MRTFA: variants seen among roughly 807,000 people sequenced by gnomAD.
MRTFA encodes myocardin related transcription factor A, also known as myocardin-related transcription factor A.
MRTFA carries 20 observed loss-of-function variants against 83.5 expected under a neutral mutation model. The observed-to-expected ratio is 0.24, with a 90% CI of 0.17 to 0.35. The LOEUF (loss-of-function observed/expected upper bound fraction) is 0.35. Ranked by LOEUF, MRTFA falls within the 10% of genes least tolerant of loss-of-function variation. The probability of loss-of-function intolerance (pLI) is 1.00; values close to 1 mark genes in which losing one functional copy is unlikely to be tolerated. For synonymous variants in MRTFA, 659 were observed against 541.2 expected (o/e 1.22, Z -3.02); for missense variants, 1,200 against 1,224.7 (o/e 0.98, Z 0.30).
At chr22:40,484,007 G>A (rs1175318800) in intron 3 of MRTFA, among the ~76,000 whole-genome samples, 1 of 151,938 alleles carries the variant, frequency 6.6e-6, no homozygotes. Flanking sequence ...TTGGGCATGA[G>A]GCACTACACC....
intron 11 of MRTFA, 116 bp from the exon 12 acceptor site, chr22:40,419,500 T>C (rs2052779150): frequency 2.3e-6 from 2 of 879,758 alleles, no homozygotes; most frequent in South Asian, 3.0e-5. Context: ...ACTACCCTAA[T>C]CCTCCAGCAG....
At chr22:40,535,718 G>A (rs1191586813) in intron 3 of MRTFA, among the ~76,000 whole-genome samples, 2 of 151,996 alleles carry the variant, frequency 1.3e-5, no homozygotes, top group Non-Finnish European at 2.9e-5. Context: ...TTCACAGTTC[G>A]GTATTTACAG....
chr22:40,436,090 A>G (rs1488394411), intron 4 of MRTFA, among the ~76,000 whole-genome samples: 3 of 152,178 alleles, frequency 2.0e-5, no homozygotes, highest in Non-Finnish European at 4.4e-5. Context: ...CCTAATGGGA[A>G]CTGTCACTGC....
intron 3 of MRTFA, among the ~76,000 whole-genome samples, chr22:40,504,513 T>C (rs2054548556): frequency 6.6e-6 from 1 of 152,212 alleles, no homozygotes; most frequent in Non-Finnish European, 1.5e-5. Flanking sequence ...TTCTGATTAA[T>C]AAAACCAGAT....
At chr22:40,581,587 G>A (rs927473942) in intron 2 of MRTFA, among the ~76,000 whole-genome samples, 6 of 151,882 alleles carry the variant, frequency 4.0e-5, no homozygotes, top group African/African-American at 1.5e-4. Context: ...AGTTTTATTA[G>A]GTATATGGGC....
intron 4 of MRTFA, among the ~76,000 whole-genome samples, chr22:40,437,344 A>G (rs1348609638): frequency 6.6e-6 from 1 of 152,212 alleles, no homozygotes; most frequent in Non-Finnish European, 1.5e-5. Context: ...AGCTTAGCAC[A>G]TGCATGAGAC....
intron 2 of MRTFA, among the ~76,000 whole-genome samples, chr22:40,583,484 C>T (rs755674382): frequency 3.9e-5 from 6 of 152,184 alleles, no homozygotes; most frequent in African/African-American, 9.7e-5. Flanking sequence ...ATCAGACTTG[C>T]AATTCAAGGA....
intron 3 of MRTFA, among the ~76,000 whole-genome samples, chr22:40,485,626 C>T (rs1342894040): frequency 1.3e-5 from 2 of 152,146 alleles, no homozygotes; most frequent in Non-Finnish European, 2.9e-5. Flanking sequence ...TGAATGCGGC[C>T]TAAATTGCTT....
At chr22:40,437,487 C>T (rs1277286814) in intron 4 of MRTFA, among the ~76,000 whole-genome samples, 1 of 152,128 alleles carries the variant, frequency 6.6e-6, no homozygotes, top group Non-Finnish European at 1.5e-5. Context: ...TCTGGCTGGG[C>T]ATGGTGGCTC....
chr22:40,452,691 A>G (rs1038809367), intron 4 of MRTFA, among the ~76,000 whole-genome samples: 1 of 151,564 alleles, frequency 6.6e-6, no homozygotes, highest in Non-Finnish European at 1.5e-5. Flanking sequence ...GGCGCCTGTA[A>G]TCCCAGCTAC....
intron 1 of MRTFA, among the ~76,000 whole-genome samples, chr22:40,624,600 G>C (rs764748522): frequency 6.6e-6 from 1 of 152,032 alleles, no homozygotes; most frequent in Non-Finnish European, 1.5e-5. Context: ...GGATCATGAA[G>C]GTAAAGTTTT....
At chr22:40,476,517 G>T (rs956470663) in intron 3 of MRTFA, among the ~76,000 whole-genome samples, 1 of 152,098 alleles carries the variant, frequency 6.6e-6, no homozygotes, top group African/African-American at 2.4e-5. Context: ...GAGAGCAGTG[G>T]TGCAATCTTG....
intron 7 of MRTFA, among the ~76,000 whole-genome samples, chr22:40,424,684 G>A (rs2052916585): frequency 6.6e-6 from 1 of 152,206 alleles, no homozygotes; most frequent in African/African-American, 2.4e-5. Context: ...AGTCTTCAAT[G>A]TCAAGTTGTC....
intron 3 of MRTFA, among the ~76,000 whole-genome samples, chr22:40,527,714 G>A (rs1228373295): frequency 1.4e-5 from 2 of 146,972 alleles, no homozygotes; most frequent in Non-Finnish European, 1.5e-5. Flanking sequence ...AGCCGAGATC[G>A]CATCACTGCA....
intron 9 of MRTFA, among the ~76,000 whole-genome samples, chr22:40,422,119 G>A (rs1386781490): frequency 6.7e-6 from 1 of 149,634 alleles, no homozygotes; most frequent in Non-Finnish European, 1.5e-5. Context: ...TGGGGAGCAG[G>A]AAGAAGTACA....
chr22:40,628,734 C>A (rs2056608130), intron 1 of MRTFA, among the ~76,000 whole-genome samples: 1 of 152,164 alleles, frequency 6.6e-6, no homozygotes, highest in Admixed American at 6.5e-5. Flanking sequence ...TATGAGCCGG[C>A]CTTAAATACT....
chr22:40,448,096 G>A (rs1335399799), intron 4 of MRTFA, among the ~76,000 whole-genome samples: 1 of 152,188 alleles, frequency 6.6e-6, no homozygotes, highest in African/African-American at 2.4e-5. Context: ...CGGATCACGA[G>A]GTCAAGAGAT....
At chr22:40,491,038 C>T (rs1020952400) in intron 3 of MRTFA, among the ~76,000 whole-genome samples, 2 of 152,012 alleles carry the variant, frequency 1.3e-5, no homozygotes, top group African/African-American at 4.8e-5. Flanking sequence ...TTTTCTTTTC[C>T]TGCAGTATAA....
At chr22:40,480,886 T>C (rs550911100) in intron 3 of MRTFA, among the ~76,000 whole-genome samples, 59 of 151,888 alleles carry the variant, frequency 3.9e-4, no homozygotes, top group South Asian at 2.5e-3. Context: ...GTATCTGGGA[T>C]TACAGGCATG....
Sources: gnomAD v4.1 joint callset for allele counts (sites outside exome capture counted in the v4.1 genomes callset) on GRCh38, gnomAD v4.1.1 for gene constraint, MANE v1.5 for transcripts, NCBI Gene and HGNC (gene_info 2026-07-23, HGNC 2026-07-21) for gene names.